ARHGAP26: variants seen among roughly 807,000 people sequenced by gnomAD.
The protein encoded by ARHGAP26 is rho GTPase-activating protein 26.
ARHGAP26 carries 38 observed loss-of-function variants against 104.8 expected under a neutral mutation model. That is an observed-to-expected ratio of 0.36 (90% CI 0.28 to 0.48). ARHGAP26 has a LOEUF of 0.48. Ranked by LOEUF, ARHGAP26 falls within the 20% of genes least tolerant of loss-of-function variation. The probability of loss-of-function intolerance (pLI) is 0.99; values close to 1 mark genes in which losing one functional copy is unlikely to be tolerated. For synonymous variants in ARHGAP26, 341 were observed against 340.0 expected (o/e 1.00, Z -0.03); for missense variants, 704 against 947.9 (o/e 0.74, Z 3.38).
rs117730609 is a variant in ARHGAP26 at position 142,847,081 on chromosome 5, C to T, written c.155-26319C>T. On this transcript the variant is annotated intron_variant, in intron 1 of 22. Coordinates refer to ENST00000645722, the MANE Select transcript of ARHGAP26 (RefSeq NM_001135608.3). ...GCTCTGTTGCTTGCTCTCGGTGCAC[C>T]TTGGGCAAATCACTGTGCCTCTCTC... Among the ~76,000 whole-genome samples the T allele has an allele frequency of 4.2e-4, 64 of 152,172 alleles. 1 individual carries two copies. The East Asian group carries it at 0.011, about 27-fold the overall frequency.
chr5:143,027,188 T>C (rs1562285805), intron 12 of ARHGAP26, among the ~76,000 whole-genome samples: 1 of 141,590 alleles, frequency 7.1e-6, no homozygotes, highest in Non-Finnish European at 1.5e-5. Flanking sequence ...TTTTTTTTTT[T>C]TGAGATGGAG....
At chr5:143,039,585 G>A (rs1783152034) in intron 13 of ARHGAP26, among the ~76,000 whole-genome samples, 1 of 151,278 alleles carries the variant, frequency 6.6e-6, no homozygotes, top group Non-Finnish European at 1.5e-5. Flanking sequence ...GAGTTTAAAG[G>A]TAGAGGCACA....
intron 17 of ARHGAP26, among the ~76,000 whole-genome samples, chr5:143,063,686 T>C (rs1176684844): frequency 6.6e-6 from 1 of 152,220 alleles, no homozygotes; most frequent in Admixed American, 6.5e-5. Context: ...TTTTACCTTT[T>C]GCAATTCATT....
At chr5:143,142,973 G>A (rs970041735) in intron 19 of ARHGAP26, among the ~76,000 whole-genome samples, 8 of 151,942 alleles carry the variant, frequency 5.3e-5, no homozygotes, top group Middle Eastern at 6.8e-3. Context: ...GTAAAACTTC[G>A]CTCTGTCTGG....
At chr5:142,957,124 TGA>T (rs1484999124) in intron 11 of ARHGAP26, among the ~76,000 whole-genome samples, 10 of 152,164 alleles carry the variant, frequency 6.6e-5, no homozygotes, top group Non-Finnish European at 1.5e-4. Context: ...GTTGATGACT[TGA>T]TGGGCACTTG....
rs565358138 is a variant in ARHGAP26 at position 143,213,889 on chromosome 5, G to A, written c.2100-108G>A. 4.8e-4 allele frequency: 302 copies of A among 626,118 alleles called. 5 individuals carry two copies. The South Asian group carries it at 7.1e-3, about 15-fold the overall frequency. The allele number at this position is 626,118 out of a possible 1,614,324, so 38.8% of individuals were successfully genotyped here. ...GGCTGCCTTGCCAGGCACTTCCCAC[G>A]AGAGGGGACTAGGTAGCTTACAGGG... is the stretch of plus-strand genomic sequence containing the variant. On this transcript the variant is annotated intron_variant, in intron 21 of 22. Coordinates refer to ENST00000645722, the MANE Select transcript of ARHGAP26 (RefSeq NM_001135608.3).
At chr5:142,860,817 T>C (rs1158354597) in intron 1 of ARHGAP26, among the ~76,000 whole-genome samples, 1 of 152,188 alleles carries the variant, frequency 6.6e-6, no homozygotes, top group Non-Finnish European at 1.5e-5. Flanking sequence ...GCTCCACCTT[T>C]GTCATCTGGA....
At chr5:142,839,938 G>A (rs576912762) in intron 1 of ARHGAP26, among the ~76,000 whole-genome samples, 1 of 151,952 alleles carries the variant, frequency 6.6e-6, no homozygotes, top group East Asian at 1.9e-4. Context: ...GACTGAGCTA[G>A]CCTCTGGAGT....
intron 11 of ARHGAP26, among the ~76,000 whole-genome samples, chr5:142,962,349 ATGTACTCTT>A (rs1226701074): frequency 6.6e-6 from 1 of 152,184 alleles, no homozygotes; most frequent in Admixed American, 6.5e-5. Flanking sequence ...GCAATTCACT[ATGTACTCTT>A]TGGGTGGGGC....
intron 8 of ARHGAP26, among the ~76,000 whole-genome samples, chr5:142,905,702 A>C (rs1373457070): frequency 6.6e-6 from 1 of 152,228 alleles, no homozygotes; most frequent in Non-Finnish European, 1.5e-5. Flanking sequence ...ATGTAAACAC[A>C]TCTGTTAGGT....
rs114366415 is a variant in ARHGAP26 at position 143,168,073 on chromosome 5, G to A, written c.1988+20692G>A. Among the ~76,000 whole-genome samples, 1,025 of 152,298 alleles carry A rather than the reference G, an allele frequency of 6.7e-3. 11 individuals carry two copies. The highest frequency in any genetic ancestry group is 0.022 in the African/African-American group (932 of 41,552). On this transcript the variant is annotated intron_variant, in intron 20 of 22. Coordinates refer to ENST00000645722, the MANE Select transcript of ARHGAP26 (RefSeq NM_001135608.3). The stretch of plus-strand genomic sequence containing the variant: ...CTGGGATGATCAAGGAAGGCTTTGT[G>A]ATCAAATTGGCACTTGAACATGCAT...
intron 20 of ARHGAP26, among the ~76,000 whole-genome samples, chr5:143,204,432 G>A (rs1006646527): frequency 6.6e-6 from 1 of 152,224 alleles, no homozygotes; most frequent in African/African-American, 2.4e-5. Flanking sequence ...GCTGAGGTAG[G>A]AGAATCGCTT....
At chr5:143,213,128 G>C (rs1232788965) in intron 21 of ARHGAP26, among the ~76,000 whole-genome samples, 1 of 152,200 alleles carries the variant, frequency 6.6e-6, no homozygotes, top group Non-Finnish European at 1.5e-5. Context: ...CTGGGCGACA[G>C]AGCAAGACTC....
At chr5:143,184,555 CTGAT>C (rs1362296672) in intron 20 of ARHGAP26, among the ~76,000 whole-genome samples, 1 of 152,178 alleles carries the variant, frequency 6.6e-6, no homozygotes, top group African/African-American at 2.4e-5. Flanking sequence ...AGCTTGCTGA[CTGAT>C]GGACTGGGGG....
chr5:143,077,653 G>C (rs1789232233), intron 17 of ARHGAP26, among the ~76,000 whole-genome samples: 1 of 152,184 alleles, frequency 6.6e-6, no homozygotes, highest in Non-Finnish European at 1.5e-5. Flanking sequence ...CACCATTTCT[G>C]GCTTGCACAG....
rs187776276 is a variant in ARHGAP26, at chr5:143,162,519, G to A, written c.1988+15138G>A. On this transcript the variant is annotated intron_variant, in intron 20 of 22. Coordinates refer to ENST00000645722, the MANE Select transcript of ARHGAP26 (RefSeq NM_001135608.3). Reference sequence around the variant, plus strand: ...AGACAAGATCTACATGTTAGTGATGGCCATGGCCAAGGTAATCATCCCAGA... The same window carrying A: ...AGACAAGATCTACATGTTAGTGATGACCATGGCCAAGGTAATCATCCCAGA... Among the ~76,000 whole-genome samples the A allele has an allele frequency of 4.1e-3, 623 of 152,278 alleles. 10 individuals carry two copies. The highest frequency in any genetic ancestry group is 0.037 in the Admixed American group (573 of 15,298).
chr5:143,216,569 C>G (rs1384536324), intron 22 of ARHGAP26: 1 of 317,850 alleles, frequency 3.1e-6, no homozygotes, highest in African/African-American at 2.2e-5. Flanking sequence ...TGTAACTGCT[C>G]CCACATACAA....
At chr5:143,034,362 G>A (rs541997417) in intron 12 of ARHGAP26, among the ~76,000 whole-genome samples, 2 of 152,222 alleles carry the variant, frequency 1.3e-5, no homozygotes, top group Admixed American at 6.5e-5. Flanking sequence ...TCTATCAGCC[G>A]ATGAATGGAT....
At chr5:142,880,433 G>A (rs536955412) in intron 4 of ARHGAP26, among the ~76,000 whole-genome samples, 22 of 152,022 alleles carry the variant, frequency 1.4e-4, no homozygotes, top group East Asian at 5.8e-4. Context: ...CAGGAGAATC[G>A]CTTGAACCCA....
Sources: gnomAD v4.1 joint callset for allele counts (sites outside exome capture counted in the v4.1 genomes callset) on GRCh38, gnomAD v4.1.1 for gene constraint, MANE v1.5 for transcripts, NCBI Gene and HGNC (gene_info 2026-07-23, HGNC 2026-07-21) for gene names.